The following NIBAN1 variants were observed in gnomAD, a reference collection of about 807,000 sequenced individuals.
NIBAN1 encodes niban apoptosis regulator 1.
A neutral mutation model predicts 75.1 loss-of-function variants in NIBAN1; 81 were observed. The observed-to-expected ratio is 1.08, with a 90% CI of 0.90 to 1.30. The LOEUF (loss-of-function observed/expected upper bound fraction) is 1.30. Among genes scored for constraint, NIBAN1 ranks in the 50% most tolerant of loss-of-function variants. The pLI is 0.00. For missense variants in NIBAN1, 1,133 were observed against 1,128.1 expected (o/e 1.00, Z -0.06); for synonymous variants, 436 against 424.8 (o/e 1.03, Z -0.32).
chr1:184,824,277 G>A (rs959267830), intron 6 of NIBAN1, among the ~76,000 whole-genome samples: 7 of 152,140 alleles, frequency 4.6e-5, no homozygotes, highest in African/African-American at 1.7e-4. Flanking sequence ...TAAACGAAGG[G>A]AGGAGCAGTG....
intron 1 of NIBAN1, among the ~76,000 whole-genome samples, chr1:184,932,888 C>A (rs912235378): frequency 5.3e-5 from 8 of 152,134 alleles, no homozygotes; most frequent in African/African-American, 1.9e-4. Context: ...ATCTGTTTAT[C>A]CCAGCCAAAG....
Position 184,791,068 on chromosome 1 carries a change from G to T in NIBAN1, c.*3909C>A. 2.1e-6 allele frequency: 1 copy of T among 471,098 alleles called. No individual in the cohort carries two copies. 29.2% of individuals were successfully genotyped at this position (471,098 alleles called of 1,614,324 possible). Reference sequence around the variant, plus strand: ...ACATTTTATTGGAATATAGGCACCTGGCAGAGTAAATACATGGTTACAAAG... The same window carrying T: ...ACATTTTATTGGAATATAGGCACCTTGCAGAGTAAATACATGGTTACAAAG... On this transcript the variant is annotated 3_prime_UTR_variant, in exon 14 of 14. Transcript: ENST00000367511.
chr1:184,808,772 A>T (rs1654282406), intron 9 of NIBAN1, among the ~76,000 whole-genome samples: 1 of 152,126 alleles, frequency 6.6e-6, no homozygotes, highest in African/African-American at 2.4e-5. Context: ...GTGCTAGTGG[A>T]TGGGAAGTGG....
At chr1:184,955,321 C>CCTTTCCTTTCCTTTCCTTTG (rs1658457778) in intron 1 of NIBAN1, among the ~76,000 whole-genome samples, 1 of 139,766 alleles carries the variant, frequency 7.2e-6, no homozygotes, top group African/African-American at 2.7e-5. Flanking sequence ...CCTTTCCTTT[C>CCTTTCCTTTCCTTTCCTTTG]CTTTCCTTTC....
At chr1:184,969,742 G>A (rs1204689309) in intron 1 of NIBAN1, among the ~76,000 whole-genome samples, 2 of 151,260 alleles carry the variant, frequency 1.3e-5, no homozygotes, top group East Asian at 3.9e-4. Flanking sequence ...ATGTTGCCCA[G>A]GCTGGTCTCA....
At chr1:184,827,971 T>TTTTTTTTTTTTTG (rs1654891261) in intron 6 of NIBAN1, among the ~76,000 whole-genome samples, 1 of 151,038 alleles carries the variant, frequency 6.6e-6, no homozygotes, top group African/African-American at 2.4e-5. Flanking sequence ...TTTTTTTTTT[T>TTTTTTTTTTTTTG]TTTTTCCGTC....
intron 1 of NIBAN1, among the ~76,000 whole-genome samples, chr1:184,970,778 G>A (rs1658915376): frequency 6.6e-6 from 1 of 152,176 alleles, no homozygotes; most frequent in East Asian, 1.9e-4. Flanking sequence ...CTGCGGCACT[G>A]ACTGTCCAGT....
intron 1 of NIBAN1, among the ~76,000 whole-genome samples, chr1:184,917,936 T>C (rs1657437815): frequency 6.6e-6 from 1 of 152,056 alleles, no homozygotes; most frequent in Non-Finnish European, 1.5e-5. Flanking sequence ...ATCCACTTCT[T>C]AATCAGTCAC....
At chr1:184,854,298 C>A (rs994079102) in intron 5 of NIBAN1, among the ~76,000 whole-genome samples, 1 of 152,116 alleles carries the variant, frequency 6.6e-6, no homozygotes, top group East Asian at 1.9e-4. Context: ...TGCACACCTG[C>A]CCATGTTCAA....
At chr1:184,965,192 G>C (rs1310929268) in intron 1 of NIBAN1, among the ~76,000 whole-genome samples, 1 of 151,968 alleles carries the variant, frequency 6.6e-6, no homozygotes, top group East Asian at 1.9e-4. Flanking sequence ...CCAGCTACTC[G>C]AGAGGCTGAC....
rs977010384 is a variant in NIBAN1, at chr1:184,884,566, A to G, written c.601+67T>C. ...TAAGAATCACTGCAATAGATGATGG[A>G]CCAGAACAACTCAGCGAGGGCTGCC... On this transcript the variant is annotated intron_variant, in intron 5 of 13. Transcript: ENST00000367511. 5.7e-6 allele frequency: 9 copies of G among 1,586,078 alleles called. No homozygotes were observed. The African/African-American group carries it at 1.1e-4, about 19-fold the overall frequency.
chr1:184,824,546 C>T (rs1470013581), intron 6 of NIBAN1, among the ~76,000 whole-genome samples: 4 of 152,166 alleles, frequency 2.6e-5, no homozygotes, highest in South Asian at 2.1e-4. Context: ...AAGGCTGGCA[C>T]TGGCAAAGAG....
intron 1 of NIBAN1, among the ~76,000 whole-genome samples, chr1:184,913,988 C>T (rs1004850441): frequency 2.6e-5 from 4 of 152,158 alleles, no homozygotes; most frequent in African/African-American, 2.4e-5. Flanking sequence ...CTCAGAGGCC[C>T]ATTCTGTTTC....
chr1:184,829,926 C>T (rs916742190), intron 6 of NIBAN1, among the ~76,000 whole-genome samples: 1 of 152,324 alleles, frequency 6.6e-6, no homozygotes. Flanking sequence ...GTCTTTCACT[C>T]GGCCAGGATC....
intron 1 of NIBAN1, among the ~76,000 whole-genome samples, chr1:184,927,563 C>G (rs1217395116): frequency 6.6e-6 from 1 of 152,098 alleles, no homozygotes; most frequent in Non-Finnish European, 1.5e-5. Flanking sequence ...CACAAGCACC[C>G]AGTGACCACC....
intron 2 of NIBAN1, 109 bp from the exon 3 acceptor site, chr1:184,894,315 T>C (rs1326488182): frequency 1.6e-6 from 2 of 1,216,616 alleles, no homozygotes; most frequent in African/African-American, 3.1e-5. Context: ...TATCTTCCAC[T>C]GAGATCCTGG....
At chr1:184,932,980 A>G (rs534007256) in intron 1 of NIBAN1, among the ~76,000 whole-genome samples, 36 of 152,358 alleles carry the variant, frequency 2.4e-4, no homozygotes, top group African/African-American at 7.0e-4. Context: ...TGCAGAAAGC[A>G]TAACAAAAAT....
In NIBAN1 at chr1:184,794,920, G is replaced by T; in HGVS notation, c.*57C>A. The T allele has an allele frequency of 6.3e-7, 1 of 1,599,236 alleles. No homozygotes were observed. The highest frequency in any genetic ancestry group is 8.5e-7 in the Non-Finnish European group (1 of 1,178,600). On this transcript the variant is annotated 3_prime_UTR_variant, in exon 14 of 14. Transcript: ENST00000367511. ...AACAGCTTGCATGCAACCCCTAAGTGTACCCCTATAACCCTTTGGCTTTTT... is the reference window on the plus strand; with the variant it reads ...AACAGCTTGCATGCAACCCCTAAGTTTACCCCTATAACCCTTTGGCTTTTT...
chr1:184,933,132 C>T (rs1657868766), intron 1 of NIBAN1, among the ~76,000 whole-genome samples: 1 of 152,182 alleles, frequency 6.6e-6, no homozygotes. Flanking sequence ...CTACTACTTC[C>T]CTACACTCCC....
Sources: allele counts gnomAD v4.1 joint callset (sites outside exome capture counted in the v4.1 genomes callset), GRCh38; gene constraint gnomAD v4.1.1; transcripts MANE v1.5; gene names NCBI Gene and HGNC (gene_info 2026-07-23, HGNC 2026-07-21).